Variants in SLCO3A1 observed in about 807,000 individuals in gnomAD.
SLCO3A1 encodes the protein solute carrier organic anion transporter family member 3A1.
SLCO3A1 carries 27 observed loss-of-function variants against 63.1 expected under a neutral mutation model. The observed-to-expected ratio is 0.43, with a 90% CI of 0.32 to 0.59. SLCO3A1 has a LOEUF of 0.59. Among genes scored for constraint, SLCO3A1 ranks in the 20% least tolerant of loss-of-function variants. SLCO3A1 has a pLI of 0.09. For synonymous variants in SLCO3A1, 473 were observed against 409.9 expected, an observed-to-expected ratio of 1.15 and a Z score of -1.86; for missense variants, 773 against 945.8, an observed-to-expected ratio of 0.82 and a Z score of 2.40.
intron 9 of SLCO3A1, among the ~76,000 whole-genome samples, chr15:92,151,485 G>A (rs112691358): frequency 0.055 from 8,378 of 152,254 alleles, 317 homozygotes; most frequent in South Asian, 0.086. Flanking sequence ...TGGGGCAAAT[G>A]TGACCTTCAT....
At chr15:91,983,652 G>A (rs2046014666) in intron 2 of SLCO3A1, among the ~76,000 whole-genome samples, 2 of 152,316 alleles carry the variant, frequency 1.3e-5, no homozygotes, top group South Asian at 4.1e-4. Flanking sequence ...TGGTTGTGGT[G>A]TGGGGAGGCC....
intron 2 of SLCO3A1, among the ~76,000 whole-genome samples, chr15:92,059,293 G>A (rs1219881590): frequency 1.3e-5 from 2 of 152,208 alleles, no homozygotes; most frequent in African/African-American, 4.8e-5. Flanking sequence ...GAAGCTGTCG[G>A]GTGCCCTGTG....
chr15:92,114,622 T>G (rs1276357917), intron 4 of SLCO3A1, among the ~76,000 whole-genome samples: 1 of 152,298 alleles, frequency 6.6e-6, no homozygotes, highest in East Asian at 1.9e-4. Flanking sequence ...TTTTTATTAT[T>G]TCTTCCTCTT....
In SLCO3A1 at chr15:91,885,689, A is replaced by G. The variant is rs1208219251; in HGVS notation, c.181-30304A>G. ...ATTCACAGTAGACAGTTTTAGGTAG[A>G]TCCCTGCTGTGAGCAGACACATACA... On this transcript the variant is annotated intron_variant, in intron 1 of 9. Coordinates refer to ENST00000318445, the MANE Select transcript of SLCO3A1 (RefSeq NM_013272.4). This position sits in a 1 kb window ranked among gnomAD's most constrained non-coding sequence, Gnocchi z 4.7. Among the ~76,000 whole-genome samples the G allele has an allele frequency of 6.6e-6, 1 of 152,142 alleles. No homozygotes were observed. Among genetic ancestry groups the G allele is most frequent in the African/African-American group, 2.4e-5 (1 of 41,412 alleles).
At chr15:92,161,403 C>T (rs371219502) in intron 9 of SLCO3A1, among the ~76,000 whole-genome samples, 161 of 152,174 alleles carry the variant, frequency 1.1e-3, no homozygotes, top group African/African-American at 3.5e-3. Flanking sequence ...TCTGATAACT[C>T]GGATAACAGC....
downstream of SLCO3A1, among the ~76,000 whole-genome samples, chr15:92,167,643 T>C (rs2048500531): frequency 6.6e-6 from 1 of 152,176 alleles, no homozygotes; most frequent in Non-Finnish European, 1.5e-5. Flanking sequence ...TGGAATACTC[T>C]CTCACTGGTG....
At chr15:91,957,908 A>G (rs1356102273) in intron 2 of SLCO3A1, among the ~76,000 whole-genome samples, 2 of 152,326 alleles carry the variant, frequency 1.3e-5, no homozygotes, top group East Asian at 1.9e-4. Flanking sequence ...GGCCTGGCAC[A>G]TAACAGGTAC....
intron 3 of SLCO3A1, among the ~76,000 whole-genome samples, chr15:92,102,502 A>C (rs1408033178): frequency 6.6e-6 from 1 of 152,176 alleles, no homozygotes; most frequent in African/African-American, 2.4e-5. Flanking sequence ...TTATTTTGCA[A>C]ATGATGCAGC....
At chr15:91,972,263 A>G (rs1900905437) in intron 2 of SLCO3A1, among the ~76,000 whole-genome samples, 1 of 152,012 alleles carries the variant, frequency 6.6e-6, no homozygotes. Context: ...GATATGGGAG[A>G]TGAGGGTGCT....
At chr15:92,130,249 A>G (rs1454938179) in intron 7 of SLCO3A1, among the ~76,000 whole-genome samples, 2 of 152,280 alleles carry the variant, frequency 1.3e-5, no homozygotes, top group Non-Finnish European at 2.9e-5. Context: ...CTGTGGCTGC[A>G]TCCCACTGCT....
intron 2 of SLCO3A1, among the ~76,000 whole-genome samples, chr15:92,050,979 C>T (rs1467251545): frequency 6.6e-6 from 1 of 152,182 alleles, no homozygotes; most frequent in Non-Finnish European, 1.5e-5. Context: ...TCTCTCAGGC[C>T]CCAGCCCAAA....
chr15:91,888,619 A>G (rs1455156805), intron 1 of SLCO3A1, among the ~76,000 whole-genome samples: 4 of 152,176 alleles, frequency 2.6e-5, no homozygotes, highest in Admixed American at 1.3e-4. Context: ...TAGCAGGATT[A>G]ACCTGTAAAA....
rs1043433121 is a variant in SLCO3A1 at position 91,860,170 on chromosome 15, A to G, written c.180+6082A>G. 2.0e-5 allele frequency among the ~76,000 whole-genome samples: 3 copies of G among 152,174 alleles called. No individual in the cohort carries two copies. The highest frequency in any genetic ancestry group is 7.2e-5 in the African/African-American group (3 of 41,424). Reference sequence around the variant, plus strand: ...GCAGGCAGGACTGGCTGGGCGGGGCAGGTACCCTGATGCTTCACTTTGGGA... The same window carrying G: ...GCAGGCAGGACTGGCTGGGCGGGGCGGGTACCCTGATGCTTCACTTTGGGA... On this transcript the variant is annotated intron_variant, in intron 1 of 9. Coordinates refer to ENST00000318445, the MANE Select transcript of SLCO3A1 (RefSeq NM_013272.4). The surrounding 1 kb of genome is among the most constrained non-coding windows in gnomAD (Gnocchi z 5.5).
intron 2 of SLCO3A1, among the ~76,000 whole-genome samples, chr15:92,044,013 G>T (rs1200757885): frequency 2.6e-5 from 4 of 151,998 alleles, no homozygotes; most frequent in African/African-American, 9.7e-5. Context: ...CTTTTCTCTA[G>T]ACCCAGCTAC....
chr15:91,926,558 CGTGTGT>C (rs565234731), intron 2 of SLCO3A1, among the ~76,000 whole-genome samples: 60 of 126,080 alleles, frequency 4.8e-4, no homozygotes, highest in Admixed American at 1.8e-3. Flanking sequence ...CCTGCCAAGC[CGTGTGT>C]GTGTGTGTGT....
chr15:91,944,914 CA>C (rs367793846), intron 2 of SLCO3A1, among the ~76,000 whole-genome samples: 44 of 152,262 alleles, frequency 2.9e-4, no homozygotes, highest in African/African-American at 8.2e-4. Context: ...ATTCCTCTGC[CA>C]CGCCCAAATT....
rs1420283682 is a variant in SLCO3A1 at position 91,886,922 on chromosome 15, T to A, written c.181-29071T>A. Among the ~76,000 whole-genome samples the A allele has an allele frequency of 6.6e-6, 1 of 152,238 alleles. No individual in the cohort carries two copies. Among genetic ancestry groups the A allele is most frequent in the Non-Finnish European group, 1.5e-5 (1 of 68,032 alleles). ...CCCAGGCTCAGGAGGTTAAAAATTC[T>A]GCTTACAGCTGAAGTTGCAGTTGCG... On this transcript the variant is annotated intron_variant, in intron 1 of 9. Transcript: ENST00000318445. This position sits in a 1 kb window ranked among gnomAD's most constrained non-coding sequence, Gnocchi z 4.9.
chr15:92,059,596 A>T (rs1368163471), intron 2 of SLCO3A1, among the ~76,000 whole-genome samples: 1 of 152,164 alleles, frequency 6.6e-6, no homozygotes. Context: ...ACCAGATGGC[A>T]CACGAGGAGC....
chr15:92,088,056 A>C (rs2151530331), intron 2 of SLCO3A1, among the ~76,000 whole-genome samples: 1 of 152,126 alleles, frequency 6.6e-6, no homozygotes, highest in East Asian at 1.9e-4. Flanking sequence ...GGGAAAGAGC[A>C]CTGGTCAGGG....
Sources: allele counts gnomAD v4.1 joint callset (sites outside exome capture counted in the v4.1 genomes callset), GRCh38; gene constraint gnomAD v4.1.1; non-coding constraint Gnocchi (gnomAD v3.1); transcripts MANE v1.5; gene names NCBI Gene and HGNC (gene_info 2026-07-23, HGNC 2026-07-21).